NCOR2: variants seen among roughly 807,000 people sequenced by gnomAD.
NCOR2 encodes the protein CTG repeat protein 26.
NCOR2 carries 81 observed loss-of-function variants against 262.9 expected under a neutral mutation model. That is an observed-to-expected ratio of 0.31 (90% CI 0.26 to 0.37). The LOEUF (loss-of-function observed/expected upper bound fraction) is 0.37, where lower values mean the gene tolerates loss of function less well. NCOR2 is among the 10% of genes least tolerant of loss of function. The pLI is 1.00. For synonymous variants in NCOR2, 1,659 were observed against 1,559.3 expected (o/e 1.06, Z -1.51); for missense variants, 3,385 against 3,621.4 (o/e 0.93, Z 1.68).
intron 16 of NCOR2, among the ~76,000 whole-genome samples, chr12:124,387,895 G>A (rs1208241739): frequency 1.9e-4 from 29 of 152,156 alleles, no homozygotes; most frequent in Admixed American, 1.8e-3. Context: ...TGGGCCTGCT[G>A]GGTGGGGTGG....
exon 35 of NCOR2, chr12:124,340,673 T>C: frequency 6.6e-7 from 1 of 1,515,204 alleles, no homozygotes; most frequent in Non-Finnish European, 8.8e-7. Context: ...GGCAAGGCGG[T>C]CCATGGCGGT....
intron 13 of NCOR2, among the ~76,000 whole-genome samples, chr12:124,409,949 G>A (rs1429510157): frequency 1.3e-5 from 2 of 151,846 alleles, no homozygotes; most frequent in Non-Finnish European, 2.9e-5. Flanking sequence ...AAAGTGCTGG[G>A]ATTACAGGCA....
chr12:124,418,155 C>T (rs888499777), intron 13 of NCOR2, among the ~76,000 whole-genome samples: 2 of 152,014 alleles, frequency 1.3e-5, no homozygotes, highest in African/African-American at 2.4e-5. Context: ...TGGTTTTACA[C>T]ATCTGTTAGA....
chr12:124,453,785 G>A (rs986764996), intron 6 of NCOR2, among the ~76,000 whole-genome samples: 3 of 152,248 alleles, frequency 2.0e-5, no homozygotes, highest in African/African-American at 4.8e-5. Flanking sequence ...CACTGCGCCC[G>A]CTCCCAGCCT....
intron 6 of NCOR2, among the ~76,000 whole-genome samples, chr12:124,456,757 GA>G (rs982679375): frequency 1.8e-4 from 27 of 152,212 alleles, no homozygotes; most frequent in African/African-American, 6.3e-4. Flanking sequence ...GTGACCCAGA[GA>G]ACCGGCTCTC....
intron 37 of NCOR2, 99 bp downstream of exon 39, chr12:124,339,905 ACC>A: frequency 2.4e-5 from 4 of 163,602 alleles, no homozygotes; most frequent in Non-Finnish European, 4.5e-5. Context: ...CCACCCACCC[ACC>A]TCCCATATAC....
In NCOR2 at chr12:124,503,671, A is replaced by AATGGATGGACGGATGG. The variant is rs2048884640; in HGVS notation, c.-117-8304_-117-8303insCCATCCGTCCATCCAT. The stretch of plus-strand genomic sequence containing the variant: ...GGATGGATGGATGGATGGACGGGTG[A>AATGGATGGACGGATGG]ATGGATGGATGGATGGATGGATGGA... On this transcript the variant is annotated intron_variant, in intron 1 of 46. Coordinates refer to the NCOR2 transcript ENST00000404621. The surrounding 1 kb of genome is among the most constrained non-coding windows in gnomAD (Gnocchi z 4.3). Among the ~76,000 whole-genome samples the AATGGATGGACGGATGG allele has an allele frequency of 8.2e-6, 1 of 122,116 alleles. No individual in the cohort carries two copies. Among genetic ancestry groups the AATGGATGGACGGATGG allele is most frequent in the African/African-American group, 3.0e-5 (1 of 33,412 alleles). 80.1% of individuals were successfully genotyped at this position (122,116 alleles called of 152,430 possible).
At chr12:124,494,225 A>ACG (rs940790046) in intron 1 of NCOR2, among the ~76,000 whole-genome samples, 5 of 151,994 alleles carry the variant, frequency 3.3e-5, no homozygotes, top group African/African-American at 9.7e-5. Context: ...GGACAGACAC[A>ACG]CACACACACG....
intron 3 of NCOR2, among the ~76,000 whole-genome samples, chr12:124,473,363 T>C (rs117086975): frequency 0.074 from 11,266 of 152,220 alleles, 628 homozygotes; most frequent in African/African-American, 0.16. Context: ...TGCCAGCGAA[T>C]ATAAAGCAGA....
At chr12:124,430,049 G>A (rs1379796244) in intron 9 of NCOR2, among the ~76,000 whole-genome samples, 1 of 152,256 alleles carries the variant, frequency 6.6e-6, no homozygotes, top group Non-Finnish European at 1.5e-5. Context: ...CCTGTCATAT[G>A]AGGATTCAAA....
chr12:124,464,048 CAG>C (rs2046312093), intron 5 of NCOR2, among the ~76,000 whole-genome samples: 1 of 152,202 alleles, frequency 6.6e-6, no homozygotes. Flanking sequence ...TCATAATAAA[CAG>C]AATAAATAAG....
intron 1 of NCOR2, among the ~76,000 whole-genome samples, chr12:124,515,741 CGT>C (rs35105269): frequency 0.12 from 18,157 of 151,468 alleles, 1,152 homozygotes; most frequent in South Asian, 0.14. Context: ...CACAAGTGTG[CGT>C]GTGAGTATAC....
At chr12:124,491,795 A>G (rs2048094333) in intron 1 of NCOR2, among the ~76,000 whole-genome samples, 1 of 152,148 alleles carries the variant, frequency 6.6e-6, no homozygotes, top group Non-Finnish European at 1.5e-5. Flanking sequence ...TGGACCCTCA[A>G]CCCTGGAGAC....
intron 6 of NCOR2, among the ~76,000 whole-genome samples, chr12:124,451,468 T>C: frequency 6.6e-6 from 1 of 152,158 alleles, no homozygotes; most frequent in East Asian, 1.9e-4. Flanking sequence ...CCACAGCTGG[T>C]AAGAGATGAG....
At chr12:124,355,841 C>T (rs536128714) in intron 23 of NCOR2, among the ~76,000 whole-genome samples, 2 of 152,302 alleles carry the variant, frequency 1.3e-5, no homozygotes, top group East Asian at 3.9e-4. Flanking sequence ...CCTGTCTCCC[C>T]ATTTCCACTG....
chr12:124,386,090 C>T (rs940481555), intron 16 of NCOR2, among the ~76,000 whole-genome samples: 2 of 152,172 alleles, frequency 1.3e-5, no homozygotes, highest in African/African-American at 4.8e-5. Context: ...GCAGTCCTGG[C>T]CTCTGGGGTC....
chr12:124,444,351 G>A (rs967553815), intron 7 of NCOR2, among the ~76,000 whole-genome samples: 2 of 152,142 alleles, frequency 1.3e-5, no homozygotes, highest in African/African-American at 2.4e-5. Flanking sequence ...ACCTAGTCTT[G>A]CCATCTGCCA....
intron 20 of NCOR2, among the ~76,000 whole-genome samples, chr12:124,364,219 G>A (rs188388948): frequency 3.3e-5 from 5 of 152,368 alleles, no homozygotes; most frequent in Non-Finnish European, 5.9e-5. Flanking sequence ...TGGCCCTTCC[G>A]AAGCTGCCAG....
chr12:124,327,635 T>TGGGA lies in NCOR2; in HGVS notation c.6959-6_6959-3dup. 6.3e-7 allele frequency: 1 copy of TGGGA among 1,586,534 alleles called. No homozygotes were observed. The highest frequency in any genetic ancestry group is 8.5e-7 in the Non-Finnish European group (1 of 1,173,462). ...CCTGGCTTCTATAGGTCATAAGGCCTGGGAGAGAGAGACAGACAGACAGAC... is the reference window on the plus strand; with the variant it reads ...CCTGGCTTCTATAGGTCATAAGGCCTGGGAGGGAGAGAGAGACAGACAGACAGAC... On this transcript the variant is annotated splice_region_variant and splice_polypyrimidine_tract_variant and intron_variant, in intron 44 of 46. Transcript: ENST00000405201.
Sources: allele counts gnomAD v4.1 joint callset (sites outside exome capture counted in the v4.1 genomes callset), GRCh38; gene constraint gnomAD v4.1.1; non-coding constraint Gnocchi (gnomAD v3.1); transcripts MANE v1.5; gene names NCBI Gene and HGNC (gene_info 2026-07-23, HGNC 2026-07-21).